NCKAP5: variants seen among roughly 807,000 people sequenced by gnomAD.
NCKAP5 encodes the protein NCK associated protein 5.
Under a neutral mutation model 167.0 loss-of-function variants are expected in NCKAP5, and 92 were observed. The ratio of observed to expected loss-of-function variants is 0.55; its 90% confidence interval spans 0.47 to 0.66. The LOEUF (loss-of-function observed/expected upper bound fraction) is 0.66. Among genes scored for constraint, NCKAP5 ranks in the 30% least tolerant of loss-of-function variants. NCKAP5 has a pLI of 0.00. For synonymous variants in NCKAP5, 891 were observed against 877.4 expected (o/e 1.02, Z -0.27); for missense variants, 2,378 against 2,315.0 (o/e 1.03, Z -0.56).
intron 4 of NCKAP5, among the ~76,000 whole-genome samples, chr2:133,297,210 T>TGTGTGTGTGTG (rs1553610638): frequency 2.0e-5 from 3 of 147,094 alleles, no homozygotes; most frequent in African/African-American, 5.1e-5. Flanking sequence ...TGTGTGTGTG[T>TGTGTGTGTGTG]TTTAAATCAA....
chr2:132,899,790 G>T (rs1440896822), intron 8 of NCKAP5, among the ~76,000 whole-genome samples: 1 of 152,106 alleles, frequency 6.6e-6, no homozygotes, highest in African/African-American at 2.4e-5. Flanking sequence ...CATGAGAATC[G>T]CTTGAACCCA....
chr2:133,171,871 A>G (rs1315567884), intron 5 of NCKAP5, among the ~76,000 whole-genome samples: 1 of 152,198 alleles, frequency 6.6e-6, no homozygotes, highest in Non-Finnish European at 1.5e-5. Context: ...CTATAAATAT[A>G]TACATGGATA....
intron 9 of NCKAP5, among the ~76,000 whole-genome samples, chr2:132,874,103 ATTTTTTTTT>A (rs4057987): frequency 8.8e-5 from 10 of 113,162 alleles, no homozygotes; most frequent in Non-Finnish European, 1.2e-4. Context: ...CAAGACCTTG[ATTTTTTTTT>A]TTTTTTTTTT....
Position 133,436,790 on chromosome 2 carries a change from C to T in NCKAP5, c.69+80668G>A, listed in dbSNP as rs150303109. Among the ~76,000 whole-genome samples the T allele has an allele frequency of 9.9e-5, 15 of 152,236 alleles. No homozygotes were observed. The East Asian group carries it at 1.7e-3, about 18-fold the overall frequency. On this transcript the variant is annotated intron_variant, in intron 3 of 19. Coordinates refer to ENST00000409261, the MANE Select transcript of NCKAP5 (RefSeq NM_207363.3). Reference sequence around the variant, plus strand: ...GCATAATTATATGTATGATACATCACGTGTATGTTAACATGGGTGCCTACA... The same window carrying T: ...GCATAATTATATGTATGATACATCATGTGTATGTTAACATGGGTGCCTACA...
At chr2:133,503,667 A>G (rs1306683813) in intron 3 of NCKAP5, among the ~76,000 whole-genome samples, 1 of 152,202 alleles carries the variant, frequency 6.6e-6, no homozygotes, top group East Asian at 1.9e-4. Context: ...CCAATTTTTC[A>G]TGGGGATCCG....
chr2:133,213,593 C>T, intron 5 of NCKAP5, 123 bp downstream of exon 5: 1 of 919,002 alleles, frequency 1.1e-6, no homozygotes, highest in Non-Finnish European at 1.7e-6. Flanking sequence ...CATCATTTGC[C>T]AAAATATCAT....
At chr2:132,863,448 TAAAAAAA>T (rs58404202) in intron 10 of NCKAP5, among the ~76,000 whole-genome samples, 2 of 127,788 alleles carry the variant, frequency 1.6e-5, no homozygotes, top group Non-Finnish European at 3.4e-5. Flanking sequence ...TTCAGATGGG[TAAAAAAA>T]AAAAAAAAAG....
intron 3 of NCKAP5, among the ~76,000 whole-genome samples, chr2:133,392,101 C>T (rs550283222): frequency 6.6e-6 from 1 of 152,332 alleles, no homozygotes; most frequent in South Asian, 2.1e-4. Flanking sequence ...AGTTACATCT[C>T]AAATTACATC....
intron 3 of NCKAP5, among the ~76,000 whole-genome samples, chr2:133,347,821 G>A (rs901046643): frequency 2.0e-5 from 3 of 152,178 alleles, no homozygotes; most frequent in Non-Finnish European, 4.4e-5. Flanking sequence ...TGGGCCCACA[G>A]CATGCACATG....
chr2:132,908,758 T>G (rs1694201689), intron 8 of NCKAP5, among the ~76,000 whole-genome samples: 1 of 152,228 alleles, frequency 6.6e-6, no homozygotes, highest in South Asian at 2.1e-4. Flanking sequence ...CTTCCCAGTT[T>G]GGATTACCTT....
At position 133,324,901 on chromosome 2, in the gene NCKAP5, T is replaced by C. The variant is rs142274138; in HGVS notation, c.70-21791A>G. Among the ~76,000 whole-genome samples the C allele has an allele frequency of 7.0e-3, 1,060 of 151,974 alleles. 16 individuals are homozygous for C. Among genetic ancestry groups the C allele is most frequent in the African/African-American group, 0.022 (926 of 41,434 alleles). ...TTTTGTATTTGTAGTAGAGACGGAG[T>C]TTCACCATGTTGACCAGGCTGGTCT... On this transcript the variant is annotated intron_variant, in intron 3 of 19. Coordinates refer to ENST00000409261, the MANE Select transcript of NCKAP5 (RefSeq NM_207363.3).
chr2:132,796,730 C>T lies in NCKAP5; in HGVS notation c.808-1G>A. The T allele has an allele frequency of 6.3e-7, 1 of 1,597,142 alleles. No individual in the cohort carries two copies. The highest frequency in any genetic ancestry group is 2.2e-5 in the East Asian group (1 of 44,662). ...GATCCAAGAGACGTGAGTGAAGTTT[C>T]TAGGTAAAACCAAGCAGAAACATTG... On this transcript the variant is annotated splice_acceptor_variant, in intron 11 of 19. Coordinates refer to ENST00000409261, the MANE Select transcript of NCKAP5 (RefSeq NM_207363.3). LOFTEE classifies it high-confidence loss of function.
intron 2 of NCKAP5, among the ~76,000 whole-genome samples, chr2:133,529,522 C>T (rs1351415102): frequency 1.3e-5 from 2 of 152,154 alleles, no homozygotes; most frequent in East Asian, 3.8e-4. Context: ...TCTAGACCAT[C>T]CCACCATGAG....
chr2:133,360,804 T>C (rs1685048969), intron 3 of NCKAP5, among the ~76,000 whole-genome samples: 1 of 151,880 alleles, frequency 6.6e-6, no homozygotes, highest in African/African-American at 2.4e-5. Context: ...AGAACACTTT[T>C]GTAAGAATAT....
chr2:132,903,612 A>C (rs1235705753), intron 8 of NCKAP5, among the ~76,000 whole-genome samples: 1 of 152,206 alleles, frequency 6.6e-6, no homozygotes, highest in Non-Finnish European at 1.5e-5. Context: ...TTGTCAGGTA[A>C]ATACATCAGA....
intron 11 of NCKAP5, among the ~76,000 whole-genome samples, chr2:132,810,619 A>T (rs1258190323): frequency 6.6e-6 from 1 of 152,046 alleles, no homozygotes; most frequent in Non-Finnish European, 1.5e-5. Flanking sequence ...AAGTTTCCTG[A>T]ATTTTTCGTT....
At chr2:133,205,000 C>A (rs2085879701) in intron 5 of NCKAP5, among the ~76,000 whole-genome samples, 1 of 152,060 alleles carries the variant, frequency 6.6e-6, no homozygotes, top group Admixed American at 6.6e-5. Context: ...TATAAATTGT[C>A]ACAGCAAGCC....
At chr2:133,423,544 T>C (rs764208784) in intron 3 of NCKAP5, among the ~76,000 whole-genome samples, 5 of 152,174 alleles carry the variant, frequency 3.3e-5, no homozygotes, top group Non-Finnish European at 7.3e-5. Flanking sequence ...ATTGGGGAAT[T>C]GTTACTACTA....
At chr2:133,298,752 CATT>C (rs1208968899) in intron 4 of NCKAP5, among the ~76,000 whole-genome samples, 1 of 152,008 alleles carries the variant, frequency 6.6e-6, no homozygotes, top group Non-Finnish European at 1.5e-5. Flanking sequence ...TGAAATAAAA[CATT>C]ATACCGGTTA....
Sources: gnomAD v4.1 joint callset for allele counts (sites outside exome capture counted in the v4.1 genomes callset) on GRCh38, gnomAD v4.1.1 for gene constraint, MANE v1.5 for transcripts, NCBI Gene and HGNC (gene_info 2026-07-23, HGNC 2026-07-21) for gene names.